Variants in XYLT1 observed in about 807,000 individuals in gnomAD.
XYLT1 encodes xylosyltransferase 1.
In XYLT1, 36 loss-of-function variants were observed where a neutral mutation model predicts 91.3. The observed-to-expected ratio is 0.39, with a 90% CI of 0.30 to 0.52. The LOEUF is 0.52. Ranked by LOEUF, XYLT1 falls within the 20% of genes least tolerant of loss-of-function variation. The pLI is 0.68. For synonymous variants in XYLT1, 588 were observed against 532.0 expected (o/e 1.11, Z -1.45); for missense variants, 1,242 against 1,284.5 (o/e 0.97, Z 0.51).
intron 6 of XYLT1, among the ~76,000 whole-genome samples, chr16:17,152,520 A>G (rs1161914055): frequency 1.3e-5 from 2 of 152,252 alleles, no homozygotes; most frequent in African/African-American, 4.8e-5. Context: ...TCTTCTCTCA[A>G]TAAGCAAGCT....
chr16:17,323,798 G>A (rs888953088), intron 2 of XYLT1, among the ~76,000 whole-genome samples: 28 of 152,238 alleles, frequency 1.8e-4, no homozygotes, highest in African/African-American at 6.3e-4. Context: ...GTCCCCAGAT[G>A]AATATGCCCA....
intron 3 of XYLT1, among the ~76,000 whole-genome samples, chr16:17,218,652 T>C (rs1015639129): frequency 6.6e-6 from 1 of 152,130 alleles, no homozygotes; most frequent in African/African-American, 2.4e-5. Context: ...TATGTGGAAA[T>C]TGTTATTTTG....
At chr16:17,338,811 C>G (rs2035026193) in intron 2 of XYLT1, among the ~76,000 whole-genome samples, 1 of 152,140 alleles carries the variant, frequency 6.6e-6, no homozygotes, top group African/African-American at 2.4e-5. Context: ...TCTTAAACTC[C>G]TGACTTCAGG....
chr16:17,395,187 T>A (rs1047782934), intron 1 of XYLT1, among the ~76,000 whole-genome samples: 1 of 152,106 alleles, frequency 6.6e-6, no homozygotes, highest in Non-Finnish European at 1.5e-5. Flanking sequence ...TCAGATCTCA[T>A]GAGAACTCAC....
chr16:17,227,017 A>G (rs1238760582), intron 3 of XYLT1: 1 of 152,244 alleles, frequency 6.6e-6, no homozygotes, highest in African/African-American at 2.4e-5. Context: ...TAAAGCAAGC[A>G]TTCAGTAAGA....
At chr16:17,167,677 C>T (rs1055097244) in intron 5 of XYLT1, among the ~76,000 whole-genome samples, 99 of 152,044 alleles carry the variant, frequency 6.5e-4, no homozygotes, top group Admixed American at 1.8e-3. Context: ...GATTCTAACC[C>T]ATCCTTCCAT....
chr16:17,246,031 A>C (rs944778461), intron 3 of XYLT1, among the ~76,000 whole-genome samples: 2 of 152,248 alleles, frequency 1.3e-5, no homozygotes, highest in African/African-American at 4.8e-5. Context: ...TAAGCTGCAA[A>C]GGGCTTGCTT....
chr16:17,167,628 C>CGT (rs1236082108), intron 5 of XYLT1, among the ~76,000 whole-genome samples: 2 of 151,476 alleles, frequency 1.3e-5, no homozygotes, highest in Non-Finnish European at 2.9e-5. Flanking sequence ...CCTTCCATCT[C>CGT]GTGAATGGAT....
intron 2 of XYLT1, among the ~76,000 whole-genome samples, chr16:17,279,164 C>T (rs548091615): frequency 6.6e-6 from 1 of 152,320 alleles, no homozygotes; most frequent in East Asian, 1.9e-4. Context: ...GGCAGCGCGG[C>T]TCTGTGATCA....
In XYLT1 at chr16:17,158,432, G is replaced by C. The variant is rs183848105; in HGVS notation, c.1370+397C>G. Among the ~76,000 whole-genome samples, 33 of 152,350 alleles carry C rather than the reference G, an allele frequency of 2.2e-4. No individual in the cohort carries two copies. The East Asian group carries it at 6.2e-3, about 29-fold the overall frequency. On this transcript the variant is annotated intron_variant, in intron 6 of 11. Transcript: ENST00000261381. ...AGAACAGCAACTGGCACACGCCCAT[G>C]CTTGTTAAGTATTTGAATGAGTGGC...
At chr16:17,163,886 T>C (rs557888953) in intron 5 of XYLT1, among the ~76,000 whole-genome samples, 3 of 151,366 alleles carry the variant, frequency 2.0e-5, no homozygotes, top group Non-Finnish European at 4.4e-5. Context: ...CCGTCTCTAC[T>C]AAAAATACAA....
intron 1 of XYLT1, among the ~76,000 whole-genome samples, chr16:17,450,260 C>G (rs1022195089): frequency 6.6e-6 from 1 of 152,126 alleles, no homozygotes; most frequent in Non-Finnish European, 1.5e-5. Context: ...ATCGCTTGAA[C>G]CCAGGAGGCA....
At chr16:17,307,429 T>C (rs572464193) in intron 2 of XYLT1, among the ~76,000 whole-genome samples, 2 of 152,262 alleles carry the variant, frequency 1.3e-5, no homozygotes, top group Admixed American at 1.3e-4. Context: ...ATTACTGAGG[T>C]GTTTCTCTTT....
chr16:17,333,059 T>G (rs1001523413), intron 2 of XYLT1, among the ~76,000 whole-genome samples: 2 of 151,734 alleles, frequency 1.3e-5, no homozygotes, highest in Non-Finnish European at 2.9e-5. Context: ...TTTTCTTCCC[T>G]CTCAGGAGAC....
At chr16:17,124,354 AAC>A (rs1364724613) in intron 10 of XYLT1, among the ~76,000 whole-genome samples, 1 of 152,162 alleles carries the variant, frequency 6.6e-6, no homozygotes, top group Non-Finnish European at 1.5e-5. Context: ...TTTCTGAAAA[AAC>A]TGTATCTTTC....
intron 3 of XYLT1, among the ~76,000 whole-genome samples, chr16:17,252,326 G>C (rs1596449240): frequency 1.3e-5 from 2 of 152,156 alleles, no homozygotes; most frequent in Admixed American, 6.5e-5. Flanking sequence ...GGCAGAGCCA[G>C]GAATTAAACC....
At chr16:17,305,615 C>T (rs1363228026) in intron 2 of XYLT1, among the ~76,000 whole-genome samples, 4 of 152,042 alleles carry the variant, frequency 2.6e-5, no homozygotes, top group Non-Finnish European at 4.4e-5. Flanking sequence ...AGGGTTTCAC[C>T]ATGTTGGCCA....
intron 1 of XYLT1, 87 bp downstream of exon 1, chr16:17,470,347 G>A (rs879216134): frequency 8.4e-7 from 1 of 1,195,338 alleles, no homozygotes; most frequent in Admixed American, 4.4e-5. Context: ...CCAGTCTGAT[G>A]ACCGAGTTCA....
intron 2 of XYLT1, among the ~76,000 whole-genome samples, chr16:17,347,282 G>A (rs558527894): frequency 6.6e-4 from 100 of 152,268 alleles, no homozygotes; most frequent in Non-Finnish European, 1.3e-3. Context: ...GGGGGCTACC[G>A]GAAGGAGCTG....
Sources: gnomAD v4.1 joint callset for allele counts (sites outside exome capture counted in the v4.1 genomes callset) on GRCh38, gnomAD v4.1.1 for gene constraint, MANE v1.5 for transcripts, NCBI Gene and HGNC (gene_info 2026-07-23, HGNC 2026-07-21) for gene names.